Variants in PCM1 observed in about 807,000 individuals in gnomAD.
PCM1 encodes the protein pericentriolar material 1, also known as pericentriolar material 1 protein.
Under a neutral mutation model 241.9 loss-of-function variants are expected in PCM1, and 157 were observed. That is an observed-to-expected ratio of 0.65 (90% CI 0.57 to 0.74). The LOEUF is 0.74. Ranked by LOEUF, PCM1 falls within the 30% of genes least tolerant of loss-of-function variation. PCM1 has a pLI of 0.00. For synonymous variants in PCM1, 1,085 were observed against 784.9 expected (o/e 1.38, Z -6.39); for missense variants, 3,478 against 2,360.1 (o/e 1.47, Z -9.81).
intron 22 of PCM1, among the ~76,000 whole-genome samples, chr8:17,970,250 CAG>C (rs1265133551): frequency 3.3e-5 from 5 of 152,082 alleles, no homozygotes; most frequent in African/African-American, 1.2e-4. Context: ...GTTTTTGACT[CAG>C]TGTGAAAGGT....
At chr8:17,939,644 T>C (rs1198517189) in intron 5 of PCM1, 47 bp from the exon 6 acceptor site, 1 of 1,101,638 alleles carries the variant, frequency 9.1e-7, no homozygotes. Context: ...TAGTTTTATA[T>C]ATTGTGTACT....
chr8:18,013,266 T>G (rs1282274608), intron 34 of PCM1, among the ~76,000 whole-genome samples: 2 of 152,180 alleles, frequency 1.3e-5, no homozygotes, highest in Non-Finnish European at 2.9e-5. Flanking sequence ...GTTTTCAGTA[T>G]TCTATTTAGG....
At chr8:18,011,879 A>G in intron 34 of PCM1, 52 bp downstream of exon 34, 1 of 1,461,874 alleles carries the variant, frequency 6.8e-7, no homozygotes. Context: ...TAACTAATCA[A>G]ACTTCCATCA....
chr8:17,945,024 G>C (rs1170641123), intron 6 of PCM1, among the ~76,000 whole-genome samples: 2 of 152,038 alleles, frequency 1.3e-5, no homozygotes, highest in Admixed American at 6.6e-5. Flanking sequence ...TTTGCTAGAG[G>C]AGTATTTGAT....
At chr8:18,018,336 T>G (rs2093421079) in intron 36 of PCM1, among the ~76,000 whole-genome samples, 1 of 152,224 alleles carries the variant, frequency 6.6e-6, no homozygotes, top group Non-Finnish European at 1.5e-5. Context: ...CCCAGATGTT[T>G]GTGGGCTTGT....
intron 36 of PCM1, 76 bp from the exon 37 acceptor site, chr8:18,025,285 A>T (rs1388544822): frequency 2.9e-5 from 23 of 806,830 alleles, no homozygotes; most frequent in Non-Finnish European, 4.8e-5. Flanking sequence ...TTACTGAGAA[A>T]ATAATTCACT....
chr8:18,027,505 A>G (rs1488049627), intron 38 of PCM1, 132 bp from the exon 39 acceptor site: 2 of 574,254 alleles, frequency 3.5e-6, no homozygotes, highest in Non-Finnish European at 6.1e-6. Flanking sequence ...AGGGAATTGT[A>G]TTAGCAAGCT....
intron 21 of PCM1, among the ~76,000 whole-genome samples, chr8:17,967,673 G>A (rs189454573): frequency 1.0e-3 from 153 of 152,248 alleles, no homozygotes; most frequent in Middle Eastern, 3.4e-3. Context: ...AAACTACTTA[G>A]GAATGATTGC....
chr8:17,978,831 A>C (rs138537660), intron 23 of PCM1, among the ~76,000 whole-genome samples: 1 of 152,236 alleles, frequency 6.6e-6, no homozygotes, highest in Non-Finnish European at 1.5e-5. Flanking sequence ...CTGCCATTGT[A>C]TCAAAAGAAT....
rs1157543900 is a variant in PCM1 at position 17,947,292 on chromosome 8, A to G, written c.890A>G (p.Gln297Arg). 6.8e-6 allele frequency: 11 copies of G among 1,612,976 alleles called. No individual in the cohort carries two copies. In the South Asian group the frequency reaches 7.7e-5, roughly 11 times the overall value. The change falls in exon 7 of 39, where the codon CAG becomes CGG. Residue 297 changes from glutamine (Q) to arginine (R), a missense_variant. Physicochemically the swap from Gln to Arg is conservative, Grantham distance 43 (BLOSUM62 1). Transcript: ENST00000325083. ...LQQQEQLRALQGRQAALLALQ... is the reference protein window; with the variant it reads ...LQQQEQLRALRGRQAALLALQ... ...CAGCAGGAGCAACTAAGAGCTCTACAGGGACGGCAGGCTGCACTTCTAGCT... is the reference window on the plus strand; with the variant it reads ...CAGCAGGAGCAACTAAGAGCTCTACGGGGACGGCAGGCTGCACTTCTAGCT...
At position 17,966,355 on chromosome 8, in the gene PCM1, C is replaced by G. The variant is rs2074890329; in HGVS notation, c.3103C>G (p.Leu1035Val). 3 of 1,613,770 alleles carry G rather than the reference C, an allele frequency of 1.9e-6. No individual in the cohort carries two copies. The highest frequency in any genetic ancestry group is 1.7e-5 in the Admixed American group (1 of 60,010). The stretch of plus-strand genomic sequence containing the variant: ...TCTATCTTGTCTGCTACAAACTCTT[C>G]TCACGGGTCCTTACAGTGTTATGCC... ...QTLSCLLQTL[L>V]TGPYSVMPSN... Residue 1035 changes from leucine to valine, a missense_variant, in exon 20 of 39, where the codon CTC (leucine) becomes GTC (valine). By Grantham distance (32) the Leu-to-Val change is conservative. Coordinates refer to ENST00000325083, the MANE Select transcript of PCM1 (RefSeq NM_006197.4).
Position 17,953,045 on chromosome 8 carries a change from C to T in PCM1, c.1147C>T (p.Pro383Ser). Residue 383 changes from proline to serine, a missense_variant, in exon 9 of 39, where the codon CCA becomes TCA. Physicochemically the swap from Pro to Ser is moderately conservative, Grantham distance 74. Transcript: ENST00000325083. ...TAGGGAGGTTTCCCAGAGCAGGAAACCATCAGCTTCAGAACGTTTACCTGA... is the reference window on the plus strand; with the variant it reads ...TAGGGAGGTTTCCCAGAGCAGGAAATCATCAGCTTCAGAACGTTTACCTGA... ...LTREVSQSRK[P>S]SASERLPDEK... The T allele has an allele frequency of 6.2e-7, 1 of 1,607,406 alleles. No individual in the cohort carries two copies. The highest frequency in any genetic ancestry group is 8.5e-7 in the Non-Finnish European group (1 of 1,176,554).
At chr8:17,931,753 TCTTCAGTATTA>T (rs1449211794) in intron 2 of PCM1, among the ~76,000 whole-genome samples, 42 of 152,322 alleles carry the variant, frequency 2.8e-4, no homozygotes, top group African/African-American at 8.4e-4. Context: ...GCTGTTTTAT[TCTTCAGTATTA>T]CAAATTATGT....
intron 6 of PCM1, among the ~76,000 whole-genome samples, chr8:17,941,132 T>C (rs955302625): frequency 1.3e-5 from 2 of 152,178 alleles, no homozygotes; most frequent in African/African-American, 4.8e-5. Context: ...AAACAGTTGT[T>C]GAAGAATGGA....
In PCM1 at chr8:18,028,957, C is replaced by T. The variant is rs997650430; in HGVS notation, c.*1295C>T. 4 of 179,020 alleles carry T rather than the reference C, an allele frequency of 2.2e-5. No individual in the cohort carries two copies. Among genetic ancestry groups the T allele is most frequent in the Admixed American group, 6.3e-5 (1 of 15,870 alleles). 11.1% of individuals were successfully genotyped at this position (179,020 alleles called of 1,614,324 possible). On this transcript the variant is annotated 3_prime_UTR_variant, in exon 39 of 39. Coordinates refer to ENST00000325083, the MANE Select transcript of PCM1 (RefSeq NM_006197.4). ...ACGAGGTCAAGAGATTGAGACCATC[C>T]TGCCCAACATGGGGGAAACCCCGTC...
chr8:18,011,399 T>G (rs758770169), intron 33 of PCM1, 33 bp downstream of exon 33: 2 of 1,464,336 alleles, frequency 1.4e-6, no homozygotes, highest in African/African-American at 3.0e-5. Context: ...ATCTTTATAC[T>G]TTAGTTTTTT....
intron 4 of PCM1, among the ~76,000 whole-genome samples, chr8:17,938,314 A>G (rs1585940398): frequency 6.6e-6 from 1 of 152,182 alleles, no homozygotes; most frequent in South Asian, 2.1e-4. Flanking sequence ...TTACCTTCAG[A>G]TTATGTGTAT....
At position 17,972,542 on chromosome 8, in the gene PCM1, T is replaced by G. The variant is rs760957966; in HGVS notation, c.3798T>G (p.Asp1266Glu). Residue 1266 changes from aspartate (D) to glutamate (E), a missense_variant, in exon 23 of 39, where the codon GAT becomes GAG. Coordinates refer to ENST00000325083, the MANE Select transcript of PCM1 (RefSeq NM_006197.4). Reference protein sequence around the residue: ...ESLESFSSMPDPVDPTTVTKT... With the variant: ...ESLESFSSMPEPVDPTTVTKT... Reference sequence around the variant, plus strand: ...TGGAAAGCTTTAGCAGTATGCCTGATCCAGTAGATCCAACAACAGTGACTA... The same window carrying G: ...TGGAAAGCTTTAGCAGTATGCCTGAGCCAGTAGATCCAACAACAGTGACTA... 6.2e-7 allele frequency: 1 copy of G among 1,613,858 alleles called. No individual in the cohort carries two copies. Among genetic ancestry groups the G allele is most frequent in the Non-Finnish European group, 8.5e-7 (1 of 1,179,776 alleles).
Position 17,972,512 on chromosome 8 carries a change from A to G in PCM1, c.3768A>G (p.Glu1256=), listed in dbSNP as rs138011703. ...GAAGAAGACGCCAGTTTGATGAAGA[A>G]TCACTGGAAAGCTTTAGCAGTATGC... The part of the protein sequence containing the change: ...TNGRRRQFDE[E]SLESFSSMPD... The change falls in exon 23 of 39, where the codon GAA becomes GAG. Residue 1256 remains glutamate, a synonymous_variant. Coordinates refer to ENST00000325083, the MANE Select transcript of PCM1 (RefSeq NM_006197.4). 19 of 1,613,964 alleles carry G rather than the reference A, an allele frequency of 1.2e-5. No homozygotes were observed. In the East Asian group the frequency reaches 2.7e-4, roughly 23 times the overall value.
Sources: gnomAD v4.1 joint callset for allele counts (sites outside exome capture counted in the v4.1 genomes callset) on GRCh38, gnomAD v4.1.1 for gene constraint, MANE v1.5 for transcripts, NCBI Gene and HGNC (gene_info 2026-07-23, HGNC 2026-07-21) for gene names.